ADCK2: variants seen among roughly 807,000 people sequenced by gnomAD.
The protein encoded by ADCK2 is uncharacterized aarF domain-containing protein kinase 2.
ADCK2 carries 37 observed loss-of-function variants against 52.3 expected under a neutral mutation model. The observed-to-expected ratio is 0.71, with a 90% CI of 0.54 to 0.93. The LOEUF is 0.93. ADCK2 is among the 40% of genes least tolerant of loss of function. The pLI, the probability that ADCK2 is intolerant of heterozygous loss-of-function variation, is 0.00. For missense variants in ADCK2, 695 were observed against 798.7 expected, an observed-to-expected ratio of 0.87 and a Z score of 1.56; for synonymous variants, 321 against 349.2, an observed-to-expected ratio of 0.92 and a Z score of 0.90.
rs1801672583 is a variant in ADCK2 at position 140,673,592 on chromosome 7, G to C, written c.262G>C (p.Gly88Arg). ...AGPAESLPRA[G>R]PLGGVFLHLR... ...GCCCGCGGAGAGCCTCCCCCGAGCG[G>C]GACCTCTGGGCGGCGTCTTCCTGCA... The change falls in exon 1 of 8, where the codon GGA (glycine) becomes CGA (arginine). Residue 88 changes from glycine (G) to arginine (R), a missense_variant. By Grantham distance (125) the Gly-to-Arg change is moderately radical. Transcript: ENST00000072869. The surrounding 1 kb of genome is among the most constrained non-coding windows in gnomAD (Gnocchi z 6.4). 6.2e-6 allele frequency: 10 copies of C among 1,606,522 alleles called. No homozygotes were observed. The highest frequency in any genetic ancestry group is 6.8e-6 in the Non-Finnish European group (8 of 1,179,550).
intron 7 of ADCK2, among the ~76,000 whole-genome samples, 156 bp downstream of exon 7, chr7:140,690,969 A>T (rs1033280724): frequency 6.6e-6 from 1 of 151,778 alleles, no homozygotes; most frequent in Non-Finnish European, 1.5e-5. Flanking sequence ...TCTGTCGCCC[A>T]GGGTGGAGTG....
At chr7:140,686,498 C>CT (rs1794606798) in intron 4 of ADCK2, among the ~76,000 whole-genome samples, 2 of 152,182 alleles carry the variant, frequency 1.3e-5, no homozygotes, top group South Asian at 2.1e-4. Context: ...CCAGGCTGGT[C>CT]TTTAACTCCT....
At chr7:140,689,094 G>C (rs1794658970) in intron 5 of ADCK2, among the ~76,000 whole-genome samples, 1 of 151,476 alleles carries the variant, frequency 6.6e-6, no homozygotes, top group South Asian at 2.1e-4. Flanking sequence ...CAGCCTCCCA[G>C]GTAGCTGGGA....
chr7:140,690,986 C>T (rs530546192), intron 7 of ADCK2, among the ~76,000 whole-genome samples, 173 bp downstream of exon 7: 3 of 152,012 alleles, frequency 2.0e-5, no homozygotes, highest in Non-Finnish European at 2.9e-5. Context: ...AGTGCAGTGG[C>T]GCGATCTCGG....
intron 4 of ADCK2, among the ~76,000 whole-genome samples, chr7:140,684,370 C>G (rs1794569252): frequency 6.6e-6 from 1 of 152,142 alleles, no homozygotes; most frequent in Non-Finnish European, 1.5e-5. Context: ...CTAGTTATGG[C>G]TGCCTTCGTT....
rs1794774634 is a variant in ADCK2, at chr7:140,694,958, G to A, written c.*155G>A. On this transcript the variant is annotated 3_prime_UTR_variant, in exon 8 of 8. Transcript: ENST00000072869. ...CACCATGGCTTCCTCTGCTTGGTTT[G>A]AGGGTCTGTTCAAAAGCTTTGGGCC... The A allele has an allele frequency of 4.3e-6, 6 of 1,405,920 alleles. No individual in the cohort carries two copies. The South Asian group carries it at 8.3e-5, about 19-fold the overall frequency. 87.1% of individuals were successfully genotyped at this position (1,405,920 alleles called of 1,614,324 possible).
intron 2 of ADCK2, among the ~76,000 whole-genome samples, chr7:140,676,615 C>T (rs760729138): frequency 4.6e-5 from 7 of 152,166 alleles, no homozygotes; most frequent in African/African-American, 7.2e-5. Flanking sequence ...AGCCTGTGTC[C>T]GTCTCTCAGT....
At chr7:140,691,628 A>G (rs1216318918) in intron 7 of ADCK2, among the ~76,000 whole-genome samples, 2 of 152,220 alleles carry the variant, frequency 1.3e-5, no homozygotes, top group Non-Finnish European at 2.9e-5. Flanking sequence ...TCGCCTTGTC[A>G]TGGAGCCTAG....
chr7:140,682,998 CAAAAAAAAAAA>C (rs34792260), intron 4 of ADCK2, among the ~76,000 whole-genome samples: 1 of 54,948 alleles, frequency 1.8e-5, no homozygotes, highest in South Asian at 9.2e-4. Flanking sequence ...GACTCTGTCT[CAAAAAAAAAAA>C]AAAAAAAAAA....
chr7:140,692,689 G>A (rs1447575732), intron 7 of ADCK2, among the ~76,000 whole-genome samples: 2 of 152,238 alleles, frequency 1.3e-5, no homozygotes, highest in South Asian at 2.1e-4. Context: ...TGATGTTCAC[G>A]TGGGTTGCTT....
chr7:140,687,942 G>A (rs1204427009), intron 5 of ADCK2, among the ~76,000 whole-genome samples: 1 of 150,752 alleles, frequency 6.6e-6, no homozygotes, highest in Non-Finnish European at 1.5e-5. Context: ...TGCGCAGGCT[G>A]CCTTGGCCTC....
chr7:140,684,623 C>T (rs1314175761), intron 4 of ADCK2, among the ~76,000 whole-genome samples: 1 of 152,162 alleles, frequency 6.6e-6, no homozygotes, highest in Non-Finnish European at 1.5e-5. Context: ...AGTCAGAGAT[C>T]GAGCTGTTGG....
chr7:140,672,977 C>T lies in ADCK2; in HGVS notation c.-354C>T, dbSNP rs1415166372. ...CAGCGATCTCATACTGGCCCCTGGG[C>T]GCACGGTGACCCTGCGGCTGCCCGG... On this transcript the variant is annotated 5_prime_UTR_variant, in exon 1 of 8. Transcript: ENST00000072869. 1.3e-5 allele frequency among the ~76,000 whole-genome samples: 2 copies of T among 151,218 alleles called. No homozygotes were observed. The highest frequency in any genetic ancestry group is 3.0e-5 in the Non-Finnish European group (2 of 67,644).
At chr7:140,694,191 G>C (rs750993841) in intron 7 of ADCK2, among the ~76,000 whole-genome samples, 3 of 152,160 alleles carry the variant, frequency 2.0e-5, no homozygotes, top group African/African-American at 2.4e-5. Flanking sequence ...GGCTGAGGCA[G>C]AAGGATCCCT....
At chr7:140,684,396 C>G (rs1358598132) in intron 4 of ADCK2, among the ~76,000 whole-genome samples, 1 of 152,078 alleles carries the variant, frequency 6.6e-6, no homozygotes, top group East Asian at 1.9e-4. Flanking sequence ...TAATCGTGAC[C>G]CAGCATTGTT....
intron 7 of ADCK2, among the ~76,000 whole-genome samples, chr7:140,691,511 G>A (rs1794701863): frequency 7.4e-6 from 1 of 134,804 alleles, no homozygotes; most frequent in South Asian, 2.1e-4. Context: ...CTTGTGTCCT[G>A]GTGCTTTCAG....
chr7:140,687,878 T>G (rs1269057376), intron 5 of ADCK2, among the ~76,000 whole-genome samples: 1 of 151,418 alleles, frequency 6.6e-6, no homozygotes, highest in Non-Finnish European at 1.5e-5. Context: ...ATCTTAGTTT[T>G]TTTTTTTTTT....
At position 140,674,775 on chromosome 7, in the gene ADCK2, C is replaced by T; in HGVS notation, c.1080+18C>T. 5.0e-6 allele frequency: 8 copies of T among 1,611,712 alleles called. No individual in the cohort carries two copies. The highest frequency in any genetic ancestry group is 6.8e-6 in the Non-Finnish European group (8 of 1,178,392). On this transcript the variant is annotated intron_variant, in intron 2 of 7. Transcript: ENST00000072869. The surrounding 1 kb of genome is among the most constrained non-coding windows in gnomAD (Gnocchi z 4.6). ...TCCAACAGGTGAGTTCTCCTCCCCT[C>T]AGCTGTAAATAGCACCTAACATAGT...
rs1160524150 is a variant in ADCK2, at chr7:140,674,268, G to C, written c.933+5G>C. 6.2e-7 allele frequency: 1 copy of C among 1,606,468 alleles called. No individual in the cohort carries two copies. Among genetic ancestry groups the C allele is most frequent in the Non-Finnish European group, 8.5e-7 (1 of 1,175,858 alleles). Reference sequence around the variant, plus strand: ...CTCATCTCCGTGGCAGTGAAAGTAAGTGTTGTGAGAGCTCACAGCTCACCT... The same window carrying C: ...CTCATCTCCGTGGCAGTGAAAGTAACTGTTGTGAGAGCTCACAGCTCACCT... On this transcript the variant is annotated splice_donor_5th_base_variant and intron_variant, in intron 1 of 7. Coordinates refer to ENST00000072869, the MANE Select transcript of ADCK2 (RefSeq NM_052853.4). This position sits in a 1 kb window ranked among gnomAD's most constrained non-coding sequence, Gnocchi z 4.6.
Sources: allele counts gnomAD v4.1 joint callset (sites outside exome capture counted in the v4.1 genomes callset), GRCh38; gene constraint gnomAD v4.1.1; non-coding constraint Gnocchi (gnomAD v3.1); transcripts MANE v1.5; gene names NCBI Gene and HGNC (gene_info 2026-07-23, HGNC 2026-07-21).